The following TRIO variants were observed in gnomAD, a reference collection of about 807,000 sequenced individuals.
TRIO encodes the protein triple functional domain protein.
Under a neutral mutation model 351.9 loss-of-function variants are expected in TRIO, and 58 were observed. The ratio of observed to expected loss-of-function variants is 0.16; its 90% CI spans 0.13 to 0.21. The LOEUF (loss-of-function observed/expected upper bound fraction) is 0.21. TRIO is among the 10% of genes least tolerant of loss of function. The pLI is 1.00. For missense variants in TRIO, 3,201 were observed against 4,027.8 expected (o/e 0.79, Z 5.56); for synonymous variants, 1,758 against 1,595.7 (o/e 1.10, Z -2.42).
chr5:14,281,017 A>G (rs2591277), intron 3 of TRIO, among the ~76,000 whole-genome samples: 47,359 of 152,008 alleles, frequency 0.31, 9,922 homozygotes, highest in African/African-American at 0.59. Flanking sequence ...GTGGGGAGTC[A>G]TGAGTTACTA....
At chr5:14,160,565 C>T (rs934943873) in intron 1 of TRIO, among the ~76,000 whole-genome samples, 1 of 152,202 alleles carries the variant, frequency 6.6e-6, no homozygotes, top group Non-Finnish European at 1.5e-5. Flanking sequence ...GGCAGATTCT[C>T]TCTTTTGGCC....
intron 1 of TRIO, among the ~76,000 whole-genome samples, chr5:14,171,295 T>G (rs941024088): frequency 1.3e-5 from 2 of 152,212 alleles, no homozygotes; most frequent in Non-Finnish European, 2.9e-5. Flanking sequence ...ATCATGCCAT[T>G]ATGAGAAAAA....
At chr5:14,426,859 C>G (rs1750686493) in intron 34 of TRIO, among the ~76,000 whole-genome samples, 1 of 152,052 alleles carries the variant, frequency 6.6e-6, no homozygotes, top group African/African-American at 2.4e-5. Context: ...TTGTCGAGTT[C>G]TGGGTTTTTT....
At chr5:14,340,179 G>A (rs912355656) in intron 11 of TRIO, among the ~76,000 whole-genome samples, 6 of 152,098 alleles carry the variant, frequency 3.9e-5, no homozygotes, top group Non-Finnish European at 7.4e-5. Context: ...TGGATCACGA[G>A]GTCAGGAGAT....
intron 9 of TRIO, among the ~76,000 whole-genome samples, chr5:14,317,733 T>G (rs1739495870): frequency 6.6e-6 from 1 of 152,254 alleles, no homozygotes; most frequent in African/African-American, 2.4e-5. Flanking sequence ...GGCTCACGCC[T>G]GTAATCCCAG....
chr5:14,275,580 T>TA (rs557419822), intron 2 of TRIO, among the ~76,000 whole-genome samples: 1 of 151,850 alleles, frequency 6.6e-6, no homozygotes, highest in South Asian at 2.1e-4. Context: ...GAAAACTTTT[T>TA]TTTTTAAGTT....
At chr5:14,287,355 C>T (rs1269843791) in intron 4 of TRIO, among the ~76,000 whole-genome samples, 1 of 152,172 alleles carries the variant, frequency 6.6e-6, no homozygotes. Flanking sequence ...TTATATTTCA[C>T]TTGACAAACA....
At chr5:14,302,298 G>A (rs1338342585) in intron 7 of TRIO, among the ~76,000 whole-genome samples, 1 of 152,102 alleles carries the variant, frequency 6.6e-6, no homozygotes, top group Non-Finnish European at 1.5e-5. Flanking sequence ...TTAAGAATAC[G>A]TTGCAACTCC....
intron 9 of TRIO, among the ~76,000 whole-genome samples, chr5:14,321,767 C>T (rs1383566672): frequency 6.6e-6 from 1 of 152,050 alleles, no homozygotes; most frequent in Non-Finnish European, 1.5e-5. Context: ...TGGGAGGGAC[C>T]CAGTGAGAGG....
intron 1 of TRIO, among the ~76,000 whole-genome samples, chr5:14,246,577 T>C (rs1054441879): frequency 2.0e-5 from 3 of 152,162 alleles, no homozygotes; most frequent in African/African-American, 7.2e-5. Context: ...TGTCACTCTT[T>C]CACCCACTGG....
intron 34 of TRIO, among the ~76,000 whole-genome samples, chr5:14,432,828 G>T (rs1434150950): frequency 1.3e-5 from 2 of 152,136 alleles, no homozygotes; most frequent in Admixed American, 6.5e-5. Context: ...TCAGCTGCTT[G>T]TTCTCCTTTG....
At position 14,389,412 on chromosome 5, in the gene TRIO, T is replaced by A. The variant is rs374842449; in HGVS notation, c.4058+14T>A. On this transcript the variant is annotated intron_variant, in intron 25 of 56. Transcript: ENST00000344204. ...ATTTCATAATAAGTGAGTGGCTTTT[T>A]CTTTGGGAGCAGTTACGCTTGAAAT... 2 of 1,583,488 alleles carry A rather than the reference T, an allele frequency of 1.3e-6. No homozygotes were observed. The highest frequency in any genetic ancestry group is 2.7e-5 in the African/African-American group (2 of 73,554).
intron 34 of TRIO, among the ~76,000 whole-genome samples, chr5:14,437,721 T>A (rs1481632390): frequency 6.8e-6 from 1 of 146,558 alleles, no homozygotes; most frequent in African/African-American, 2.5e-5. Context: ...TTTAACTCTT[T>A]CACCTCTTTA....
intron 1 of TRIO, among the ~76,000 whole-genome samples, chr5:14,158,126 T>C (rs770754313): frequency 4.6e-5 from 7 of 152,122 alleles, no homozygotes; most frequent in Non-Finnish European, 8.8e-5. Context: ...GGGCTTTTGA[T>C]ATTAGAAAAC....
chr5:14,488,528 G>T (rs1174807756), intron 48 of TRIO: 3 of 538,404 alleles, frequency 5.6e-6, no homozygotes, highest in Non-Finnish European at 9.7e-6. Context: ...TTTCCAACCA[G>T]CAGAATATCT....
chr5:14,449,765 ATTTAT>A (rs1295930966), intron 34 of TRIO, among the ~76,000 whole-genome samples: 1 of 152,048 alleles, frequency 6.6e-6, no homozygotes, highest in African/African-American at 2.4e-5. Flanking sequence ...CTCTTTCTTC[ATTTAT>A]TTTATTTCTG....
chr5:14,347,991 G>T (rs1054207437), intron 11 of TRIO, among the ~76,000 whole-genome samples: 1 of 152,190 alleles, frequency 6.6e-6, no homozygotes, highest in Non-Finnish European at 1.5e-5. Flanking sequence ...ATGAAGAAAT[G>T]AGCTTACATG....
intron 44 of TRIO, 42 bp downstream of exon 44, chr5:14,481,326 C>T: frequency 6.2e-7 from 1 of 1,607,600 alleles, no homozygotes; most frequent in Non-Finnish European, 8.5e-7. Context: ...TCCCCACCAG[C>T]CTCTTTTCCT....
At chr5:14,221,488 A>G (rs1466152434) in intron 1 of TRIO, among the ~76,000 whole-genome samples, 1 of 152,254 alleles carries the variant, frequency 6.6e-6, no homozygotes, top group Non-Finnish European at 1.5e-5. Flanking sequence ...TGGAAAGGTC[A>G]CCATTCTAGA....
Sources: allele counts gnomAD v4.1 joint callset (sites outside exome capture counted in the v4.1 genomes callset), GRCh38; gene constraint gnomAD v4.1.1; transcripts MANE v1.5; gene names NCBI Gene and HGNC (gene_info 2026-07-23, HGNC 2026-07-21).